Variants in CAST observed in about 807,000 individuals in gnomAD.
CAST encodes the protein calpastatin, also known as MIR583 host.
Under a neutral mutation model 119.6 loss-of-function variants are expected in CAST, and 76 were observed. The observed-to-expected ratio is 0.64, with a 90% confidence interval of 0.53 to 0.77. CAST has a LOEUF of 0.77. Ranked by LOEUF, CAST falls within the 30% of genes least tolerant of loss-of-function variation. CAST has a pLI of 0.00. For missense variants in CAST, 953 were observed against 946.5 expected (o/e 1.01, Z -0.09); for synonymous variants, 319 against 331.6 (o/e 0.96, Z 0.41).
At chr5:96,004,480 T>C in the CAST span, among the ~76,000 whole-genome samples, 1 of 152,344 alleles carries the variant, frequency 6.6e-6, no homozygotes, top group African/African-American at 2.4e-5. Flanking sequence ...GATATTTTAT[T>C]ATATAAGTGT....
At chr5:96,218,035 G>C in the CAST span, among the ~76,000 whole-genome samples, 1 of 152,280 alleles carries the variant, frequency 6.6e-6, no homozygotes, top group South Asian at 2.1e-4. Flanking sequence ...TGAAAGTTCT[G>C]GGGGGTGGCC....
intron 1 of CAST, among the ~76,000 whole-genome samples, chr5:96,572,093 A>T (rs1300126997): frequency 3.3e-5 from 5 of 152,238 alleles, no homozygotes; most frequent in South Asian, 2.1e-4. Flanking sequence ...TGATTGACAG[A>T]TGTAGAAAAT....
the CAST span, among the ~76,000 whole-genome samples, chr5:96,023,118 C>G: frequency 1.3e-5 from 2 of 152,178 alleles, no homozygotes; most frequent in Middle Eastern, 3.2e-3. Flanking sequence ...GGAGATGGAA[C>G]AGATGTCATC....
At chr5:96,199,082 T>A in the CAST span, among the ~76,000 whole-genome samples, 1 of 152,200 alleles carries the variant, frequency 6.6e-6, no homozygotes, top group Non-Finnish European at 1.5e-5. Context: ...CCCTTTGACA[T>A]TATTCTCATG....
chr5:96,719,097 C>T (rs1018360956), intron 3 of CAST, among the ~76,000 whole-genome samples: 7 of 152,110 alleles, frequency 4.6e-5, no homozygotes, highest in African/African-American at 7.2e-5. Flanking sequence ...ATTGTTCCAT[C>T]AGCTACATGT....
At chr5:96,044,640 C>T in the CAST span, among the ~76,000 whole-genome samples, 60 of 152,166 alleles carry the variant, frequency 3.9e-4, no homozygotes, top group African/African-American at 1.4e-3. Flanking sequence ...ACCTATGTGT[C>T]CCAAAGACAT....
At chr5:96,007,077 T>C in the CAST span, among the ~76,000 whole-genome samples, 1 of 152,330 alleles carries the variant, frequency 6.6e-6, no homozygotes, top group Admixed American at 6.5e-5. Context: ...CAGATATTCG[T>C]GTGGATTTTA....
chr5:96,359,379 T>G, the CAST span, among the ~76,000 whole-genome samples: 2 of 152,250 alleles, frequency 1.3e-5, no homozygotes, highest in Non-Finnish European at 2.9e-5. Flanking sequence ...GTCATTATGA[T>G]GCTAGCTGGT....
the CAST span, among the ~76,000 whole-genome samples, chr5:96,339,021 T>C: frequency 1.3e-5 from 2 of 152,124 alleles, no homozygotes; most frequent in African/African-American, 4.8e-5. Flanking sequence ...GACTGGGAAA[T>C]AATAACCATT....
the CAST span, among the ~76,000 whole-genome samples, chr5:96,243,177 T>A: frequency 1.3e-5 from 2 of 149,868 alleles, no homozygotes; most frequent in South Asian, 4.2e-4. Flanking sequence ...CAGCAGCAAC[T>A]GTTTTTTTTT....
the CAST span, among the ~76,000 whole-genome samples, chr5:96,461,048 G>A: frequency 2.6e-5 from 4 of 151,956 alleles, no homozygotes; most frequent in Non-Finnish European, 5.9e-5. Flanking sequence ...TCCAGCTTCC[G>A]GCAATACTAG....
At chr5:96,712,885 A>G (rs1434522499) in intron 3 of CAST, among the ~76,000 whole-genome samples, 1 of 152,162 alleles carries the variant, frequency 6.6e-6, no homozygotes, top group African/African-American at 2.4e-5. Context: ...TGCCAGGCCC[A>G]TCTCTCAGTC....
chr5:96,209,859 A>G, the CAST span, among the ~76,000 whole-genome samples: 1 of 151,818 alleles, frequency 6.6e-6, no homozygotes, highest in East Asian at 1.9e-4. Context: ...CATTTTCTGA[A>G]TTTAAATATT....
the CAST span, among the ~76,000 whole-genome samples, chr5:95,964,136 A>G: frequency 6.6e-6 from 1 of 152,134 alleles, no homozygotes; most frequent in Non-Finnish European, 1.5e-5. Context: ...GAGCTTTTCA[A>G]CTGTGGAAGG....
intron 4 of CAST, among the ~76,000 whole-genome samples, chr5:96,723,667 C>G (rs577933848): frequency 1.3e-5 from 2 of 152,328 alleles, no homozygotes; most frequent in Admixed American, 6.5e-5. Context: ...TAAACCCTCT[C>G]CCTAAGTTAC....
At chr5:96,189,296 T>C in the CAST span, among the ~76,000 whole-genome samples, 1 of 152,188 alleles carries the variant, frequency 6.6e-6, no homozygotes, top group African/African-American at 2.4e-5. Flanking sequence ...AGGTGGATAA[T>C]GGTCCTTTTT....
At chr5:96,296,004 T>C in the CAST span, among the ~76,000 whole-genome samples, 1 of 152,228 alleles carries the variant, frequency 6.6e-6, no homozygotes. Flanking sequence ...ACTATATTTT[T>C]CAAATGTTCT....
At chr5:96,261,264 T>C in the CAST span, among the ~76,000 whole-genome samples, 2 of 152,228 alleles carry the variant, frequency 1.3e-5, no homozygotes, top group Non-Finnish European at 2.9e-5. Flanking sequence ...TGGGCAGGTC[T>C]ATGTAAACCT....
upstream of CAST, among the ~76,000 whole-genome samples, chr5:96,659,888 T>A (rs1406883474): frequency 6.6e-6 from 1 of 152,194 alleles, no homozygotes; most frequent in Non-Finnish European, 1.5e-5. Context: ...AAAGTTCCAA[T>A]AATTCTTCAC....
Sources: gnomAD v4.1 joint callset for allele counts (sites outside exome capture counted in the v4.1 genomes callset) on GRCh38, gnomAD v4.1.1 for gene constraint, MANE v1.5 for transcripts, NCBI Gene and HGNC (gene_info 2026-07-23, HGNC 2026-07-21) for gene names.